Variants in FAM76B observed in about 807,000 individuals in gnomAD.
FAM76B encodes the protein protein FAM76B.
In FAM76B, 16 loss-of-function variants were observed where a neutral mutation model predicts 51.8. The ratio of observed to expected loss-of-function variants is 0.31; its 90% CI spans 0.21 to 0.47. FAM76B has a LOEUF of 0.47. Among genes scored for constraint, FAM76B ranks in the 20% least tolerant of loss-of-function variants. The pLI is 1.00. For missense variants in FAM76B, 342 were observed against 392.6 expected (o/e 0.87, Z 1.09); for synonymous variants, 166 against 129.5 (o/e 1.28, Z -1.91).
chr11:95,774,812 G>A (rs1363909974), intron 9 of FAM76B, among the ~76,000 whole-genome samples: 3 of 151,226 alleles, frequency 2.0e-5, no homozygotes, highest in African/African-American at 7.3e-5. Flanking sequence ...TGCCTACTAT[G>A]TCTCAGGTTC....
chr11:95,786,036 C>A, intron 4 of FAM76B, 83 bp downstream of exon 4: 1 of 1,499,326 alleles, frequency 6.7e-7, no homozygotes, highest in Non-Finnish European at 9.1e-7. Context: ...GATCCAGTCT[C>A]AGTAGTGTAT....
At chr11:95,773,805 T>C (rs1411854761) in intron 9 of FAM76B, among the ~76,000 whole-genome samples, 1 of 151,380 alleles carries the variant, frequency 6.6e-6, no homozygotes, top group African/African-American at 2.4e-5. Flanking sequence ...TTGATATTCT[T>C]AGTATTTTCA....
chr11:95,781,876 T>A lies in FAM76B; in HGVS notation c.563+1189A>T, dbSNP rs374682252. ...CACTAACCTCAACGTAACCTCATAA[T>A]CTAATAGGTGATTGGATACAGTTTA... On this transcript the variant is annotated intron_variant, in intron 5 of 9. Coordinates refer to ENST00000358780, the MANE Select transcript of FAM76B (RefSeq NM_144664.5). 7.9e-5 allele frequency among the ~76,000 whole-genome samples: 12 copies of A among 152,268 alleles called. No individual in the cohort carries two copies. The South Asian group carries it at 1.2e-3, about 16-fold the overall frequency.
chr11:95,773,771 A>G (rs1859876284), intron 9 of FAM76B, among the ~76,000 whole-genome samples: 1 of 151,314 alleles, frequency 6.6e-6, no homozygotes, highest in African/African-American at 2.4e-5. Context: ...CCACTTACCT[A>G]ATTAAGTGAA....
chr11:95,775,237 AAGC>A (rs1183122310), intron 9 of FAM76B, among the ~76,000 whole-genome samples: 30 of 151,626 alleles, frequency 2.0e-4, no homozygotes, highest in African/African-American at 6.3e-4. Context: ...CCTAGAAGAG[AAGC>A]AGCTTAATAT....
intron 1 of FAM76B, 147 bp from the exon 2 acceptor site, chr11:95,788,710 T>G: frequency 8.2e-7 from 1 of 1,214,288 alleles, no homozygotes; most frequent in Non-Finnish European, 1.1e-6. Context: ...CTTTATCATA[T>G]AAGTGGCCAA....
intron 5 of FAM76B, among the ~76,000 whole-genome samples, chr11:95,780,422 C>T (rs1387310166): frequency 6.6e-6 from 1 of 151,814 alleles, no homozygotes; most frequent in Non-Finnish European, 1.5e-5. Context: ...CTTAAGAATC[C>T]TCTCCAAAGT....
chr11:95,788,438 C>A, intron 2 of FAM76B, 61 bp downstream of exon 2: 1 of 1,307,334 alleles, frequency 7.6e-7, no homozygotes, highest in South Asian at 1.2e-5. Flanking sequence ...ATTACAACCC[C>A]CAAGTATTCC....
At chr11:95,771,902 T>C (rs991670750) in intron 9 of FAM76B, among the ~76,000 whole-genome samples, 1 of 151,012 alleles carries the variant, frequency 6.6e-6, no homozygotes. Context: ...AGATGCACAA[T>C]TGGTTACAAA....
chr11:95,788,417 A>G (rs1338335668), intron 2 of FAM76B, 82 bp downstream of exon 2: 5 of 1,141,362 alleles, frequency 4.4e-6, no homozygotes, highest in African/African-American at 1.6e-5. Context: ...ATACTTTCAT[A>G]AAAACATGGG....
At position 95,789,376 on chromosome 11, in the gene FAM76B, C is replaced by G. The variant is rs750485576; in HGVS notation, c.87+16G>C. 3 of 1,582,828 alleles carry G rather than the reference C, an allele frequency of 1.9e-6. No individual in the cohort carries two copies. Among genetic ancestry groups the G allele is most frequent in the South Asian group, 1.2e-5 (1 of 86,738 alleles). Reference sequence around the variant, plus strand: ...CCGAGGACACCCATCCCGCCCGCCTCCCGGAGCCCACGGACCTTGCAGAGC... The same window carrying G: ...CCGAGGACACCCATCCCGCCCGCCTGCCGGAGCCCACGGACCTTGCAGAGC... On this transcript the variant is annotated intron_variant, in intron 1 of 9. Coordinates refer to ENST00000358780, the MANE Select transcript of FAM76B (RefSeq NM_144664.5).
chr11:95,779,593 G>T lies in FAM76B; in HGVS notation c.692+14C>A, dbSNP rs201872375. 5.5e-5 allele frequency: 88 copies of T among 1,595,042 alleles called. No individual in the cohort carries two copies. The highest frequency in any genetic ancestry group is 7.3e-5 in the Non-Finnish European group (85 of 1,170,828). ...AAGTTGAATTTTCATAACACTAAAAGAATTCATTTTTACCTATCTCCATTA... is the reference window on the plus strand; with the variant it reads ...AAGTTGAATTTTCATAACACTAAAATAATTCATTTTTACCTATCTCCATTA... On this transcript the variant is annotated intron_variant, in intron 7 of 9. Transcript: ENST00000358780.
Position 95,789,568 on chromosome 11 carries a change from C to A in FAM76B, c.-90G>T, listed in dbSNP as rs980584348. The A allele has an allele frequency of 8.7e-6, 10 of 1,146,342 alleles. No individual in the cohort carries two copies. The highest frequency in any genetic ancestry group is 4.8e-5 in the Admixed American group (2 of 41,838). The allele number at this position is 1,146,342 out of a possible 1,614,324, so 71.0% of individuals were successfully genotyped here. ...GAGCCGCCGCCGCCCGGGCCGCGGGCTCCTCCTCCTCCCCCTCCCCCTGCC... is the reference window on the plus strand; with the variant it reads ...GAGCCGCCGCCGCCCGGGCCGCGGGATCCTCCTCCTCCCCCTCCCCCTGCC... On this transcript the variant is annotated 5_prime_UTR_variant, in exon 1 of 10. Coordinates refer to ENST00000358780, the MANE Select transcript of FAM76B (RefSeq NM_144664.5).
At position 95,789,422 on chromosome 11, in the gene FAM76B, C is replaced by G; in HGVS notation, c.57G>C (p.Glu19Asp). ...AGAGCTGCTGGCCCTGGGAGAGCTCCTCGAAAGGATAACGCTGGGTACACT... is the reference window on the plus strand; with the variant it reads ...AGAGCTGCTGGCCCTGGGAGAGCTCGTCGAAAGGATAACGCTGGGTACACT... ...CTKCTQRYPF[E>D]ELSQGQQLCK... The change falls in exon 1 of 10, where the codon GAG (glutamate) becomes GAC (aspartate). Residue 19 changes from glutamate to aspartate, a missense_variant. Physicochemically the swap from Glu to Asp is conservative, Grantham distance 45. Around this residue, in one of 3 missense-constraint regions of FAM76B, gnomAD observed 96 missense variants for 94.7 expected, o/e 1.01. Coordinates refer to ENST00000358780, the MANE Select transcript of FAM76B (RefSeq NM_144664.5). The G allele has an allele frequency of 3.1e-6, 5 of 1,608,530 alleles. No individual in the cohort carries two copies. The highest frequency in any genetic ancestry group is 4.2e-6 in the Non-Finnish European group (5 of 1,177,690).
In FAM76B at chr11:95,770,031, C is replaced by G. The variant is rs1457049182; in HGVS notation, c.*1530G>C. 6.6e-6 allele frequency: 1 copy of G among 151,484 alleles called. No individual in the cohort carries two copies. The highest frequency in any genetic ancestry group is 2.4e-5 in the African/African-American group (1 of 41,370). 9.4% of individuals were successfully genotyped at this position (151,484 alleles called of 1,614,324 possible). On this transcript the variant is annotated 3_prime_UTR_variant, in exon 10 of 10. Transcript: ENST00000358780. ...ATTCACAATCAATGCTTGTATAAAA[C>G]AAAACCTTTAAAACTTATAAATTTA...
rs777917058 is a variant in FAM76B, at chr11:95,786,120, TTTC to T, written c.359_361del (p.Arg120del). 13 of 1,605,454 alleles carry T rather than the reference TTTC, an allele frequency of 8.1e-6. No individual in the cohort carries two copies. The highest frequency in any genetic ancestry group is 1.1e-5 in the Non-Finnish European group (13 of 1,176,018). On this transcript the variant is annotated inframe_deletion and splice_region_variant, in exon 4 of 10. Coordinates refer to ENST00000358780, the MANE Select transcript of FAM76B (RefSeq NM_144664.5). Reference sequence around the variant, plus strand: ...TGTCATAACATAAATAAAGCATACCTTTCTTCTTCCTTCCTCCTTCCGATCAAA... The same window carrying T: ...TGTCATAACATAAATAAAGCATACCTTTCTTCCTTCCTCCTTCCGATCAAA...
chr11:95,784,079 C>T (rs1038309039), intron 4 of FAM76B, among the ~76,000 whole-genome samples: 2 of 152,072 alleles, frequency 1.3e-5, no homozygotes, highest in African/African-American at 4.8e-5. Context: ...AAACATGGTA[C>T]GTATATACCA....
At chr11:95,777,796 G>C (rs1860076898) in intron 8 of FAM76B, among the ~76,000 whole-genome samples, 1 of 151,320 alleles carries the variant, frequency 6.6e-6, no homozygotes, top group Non-Finnish European at 1.5e-5. Flanking sequence ...CACAGACTTA[G>C]AGATGGATAT....
Position 95,783,183 on chromosome 11 carries a change from G to A in FAM76B, c.445C>T (p.Leu149=). 6.2e-7 allele frequency: 1 copy of A among 1,613,962 alleles called. No individual in the cohort carries two copies. Among genetic ancestry groups the A allele is most frequent in the Non-Finnish European group, 8.5e-7 (1 of 1,179,924 alleles). The change falls in exon 5 of 10, where the codon CTG becomes TTG. Residue 149 remains leucine (L), a synonymous_variant. Coordinates refer to ENST00000358780, the MANE Select transcript of FAM76B (RefSeq NM_144664.5). ...LQKTKEQRKS[L]GSSHSNSSSS... The stretch of plus-strand genomic sequence containing the variant: ...GATGAATTTGAATGTGAAGATCCCA[G>A]GCTCTTCCTTTGTTCTTTCGTCTTC...
Sources: gnomAD v4.1 joint callset for allele counts (sites outside exome capture counted in the v4.1 genomes callset) on GRCh38, gnomAD v4.1.1 for gene constraint, gnomAD v4.1.1 regional missense constraint, MANE v1.5 for transcripts, NCBI Gene and HGNC (gene_info 2026-07-23, HGNC 2026-07-21) for gene names.